FUNDC1: variants seen among roughly 807,000 people sequenced by gnomAD.
FUNDC1 encodes the protein FUN14 domain-containing protein 1.
A neutral mutation model predicts 14.5 loss-of-function variants in FUNDC1; 10 were observed. That is an observed-to-expected ratio of 0.69 (90% confidence interval 0.43 to 1.17). The LOEUF is 1.17. Among genes scored for constraint, FUNDC1 ranks in the 50% most tolerant of loss-of-function variants. The probability of loss-of-function intolerance (pLI) is 0.00; values close to 1 mark genes in which losing one functional copy is unlikely to be tolerated. For synonymous variants in FUNDC1, 33 were observed against 39.7 expected (o/e 0.83, Z 0.64); for missense variants, 115 against 113.8 (o/e 1.01, Z -0.05).
intron 3 of FUNDC1, among the ~76,000 whole-genome samples, chrX:44,537,710 T>A (rs2038954222): frequency 8.9e-6 from 1 of 112,132 alleles, no homozygotes; most frequent in African/African-American, 3.2e-5. Context: ...CAATCATTTT[T>A]AAAATCTAGT....
At chrX:44,530,270 A>G (rs1203053251) in intron 3 of FUNDC1, among the ~76,000 whole-genome samples, 1 of 111,959 alleles carries the variant, frequency 8.9e-6, no homozygotes, top group East Asian at 2.8e-4. Flanking sequence ...AGGTACTTTT[A>G]TTAGAATAAA....
chrX:44,539,779 G>C (rs905252540), intron 2 of FUNDC1, among the ~76,000 whole-genome samples: 5 of 111,195 alleles, frequency 4.5e-5, no homozygotes, highest in African/African-American at 1.6e-4. Flanking sequence ...CAATTCTCCT[G>C]CCTCAGCCTC....
chrX:44,533,250 T>C (rs2038933389), intron 3 of FUNDC1, among the ~76,000 whole-genome samples: 1 of 111,233 alleles, frequency 9.0e-6, no homozygotes, highest in Non-Finnish European at 1.9e-5. Context: ...GAAGGGACGG[T>C]CTTCTAACCA....
chrX:44,542,858 G>A lies in FUNDC1; in HGVS notation c.-26C>T. 1 of 1,162,095 alleles carries A rather than the reference G, an allele frequency of 8.6e-7. No homozygotes were observed. The highest frequency in any genetic ancestry group is 1.2e-6 in the Non-Finnish European group (1 of 868,947). Reference sequence around the variant, plus strand: ...GATACCGCCAGCGGCCAATTCTGGAGTGGTCCCCACCCGCCCTCCTCTCCC... The same window carrying A: ...GATACCGCCAGCGGCCAATTCTGGAATGGTCCCCACCCGCCCTCCTCTCCC... On this transcript the variant is annotated 5_prime_UTR_variant, in exon 1 of 5. Coordinates refer to ENST00000378045, the MANE Select transcript of FUNDC1 (RefSeq NM_173794.4).
intron 4 of FUNDC1, among the ~76,000 whole-genome samples, chrX:44,525,342 T>C (rs765002163): frequency 2.3e-4 from 25 of 108,204 alleles, no homozygotes; most frequent in African/African-American, 8.4e-4. Flanking sequence ...TATAGGTGCA[T>C]GCCACCGTTC....
rs192261581 is a variant in FUNDC1 at position 44,536,830 on chromosome X, A to C, written c.261+1637T>G. ...GCCCTTTGAATTATAAGGATGTATA[A>C]CTCCAAAAAATTAAAACGAAGAGAC... On this transcript the variant is annotated intron_variant, in intron 3 of 4. Transcript: ENST00000378045. 6.3e-5 allele frequency among the ~76,000 whole-genome samples: 7 copies of C among 111,672 alleles called. No homozygotes were observed. In the East Asian group the frequency reaches 2.0e-3, roughly 31 times the overall value.
chrX:44,541,860 G>A lies in FUNDC1; in HGVS notation c.185+85C>T, dbSNP rs150574615. ...AATTAACAGTGTAGACCTACTGCCT[G>A]TGCACGGTGATTCTTGCCCATGTAT... On this transcript the variant is annotated intron_variant, in intron 2 of 4. Coordinates refer to ENST00000378045, the MANE Select transcript of FUNDC1 (RefSeq NM_173794.4). 1.6e-3 allele frequency: 1,339 copies of A among 857,084 alleles called. 11 individuals are homozygous for A. In the African/African-American group the frequency reaches 0.024, roughly 15 times the overall value. 70.6% of individuals were successfully genotyped at this position (857,084 alleles called of 1,213,427 possible). A position where few individuals can be genotyped will look rare whatever the true frequency, so the allele number is the denominator to read the frequency against.
rs1569187085 is a variant in FUNDC1 at position 44,531,298 on chromosome X, A to C, written c.262-3933T>G. Among the ~76,000 whole-genome samples the C allele has an allele frequency of 1.0e-3, 38 of 38,133 alleles. 5 individuals carry two copies. The highest frequency in any genetic ancestry group is 5.1e-3 in the South Asian group (4 of 777). The allele number at this position is 38,133 out of a possible 115,157, so 33.1% of individuals were successfully genotyped here. ...CACACACACACACGGCTTTCAGATG[A>C]AGATTCATGTTGGCCAGACACACAC... On this transcript the variant is annotated intron_variant, in intron 3 of 4. Coordinates refer to ENST00000378045, the MANE Select transcript of FUNDC1 (RefSeq NM_173794.4).
intron 2 of FUNDC1, among the ~76,000 whole-genome samples, chrX:44,539,048 A>T (rs12009700): frequency 0.14 from 15,837 of 110,822 alleles, 1,812 homozygotes; most frequent in African/African-American, 0.38. Context: ...CTTTCCTACC[A>T]TTCCTACCCT....
chrX:44,531,295 ATGAAGATT>A lies in FUNDC1; in HGVS notation c.262-3938_262-3931del, dbSNP rs1569187079. Among the ~76,000 whole-genome samples, 102 of 41,145 alleles carry A rather than the reference ATGAAGATT, an allele frequency of 2.5e-3. 13 individuals carry two copies. The highest frequency in any genetic ancestry group is 9.1e-3 in the African/African-American group (30 of 3,289). The allele number at this position is 41,145 out of a possible 115,157, so 35.7% of individuals were successfully genotyped here. A position where few individuals can be genotyped will look rare whatever the true frequency, so the allele number is the denominator to read the frequency against. ...ACACACACACACACACGGCTTTCAG[ATGAAGATT>A]CATGTTGGCCAGACACACACACACA... is the stretch of plus-strand genomic sequence containing the variant. On this transcript the variant is annotated intron_variant, in intron 3 of 4. Transcript: ENST00000378045.
intron 2 of FUNDC1, among the ~76,000 whole-genome samples, chrX:44,541,699 T>TA (rs1203087187): frequency 9.0e-6 from 1 of 111,322 alleles, no homozygotes; most frequent in Non-Finnish European, 1.9e-5. Context: ...GGGGAAATTA[T>TA]ATAAAGAATC....
chrX:44,542,126 A>G, intron 1 of FUNDC1, 25 bp from the exon 2 acceptor site: 1 of 1,111,482 alleles, frequency 9.0e-7, no homozygotes, highest in Non-Finnish European at 1.2e-6. Context: ...AATGCAAAAA[A>G]TAAATGTAGA....
rs66536007 is a variant in FUNDC1 at position 44,526,487 on chromosome X, A to AGG, written c.390+748_390+749dup. Among the ~76,000 whole-genome samples, 798 of 89,629 alleles carry AGG rather than the reference A, an allele frequency of 8.9e-3. 6 individuals carry two copies. Among genetic ancestry groups the AGG allele is most frequent in the East Asian group, 0.02 (50 of 2,449 alleles). 77.8% of individuals were successfully genotyped at this position (89,629 alleles called of 115,157 possible). The stretch of plus-strand genomic sequence containing the variant: ...TTCCCACACAGTAAAAAAATAAAAA[A>AGG]GGGGGGGGGGCGTATTCATAGTTGT... On this transcript the variant is annotated intron_variant, in intron 4 of 4. Transcript: ENST00000378045.
At chrX:44,528,665 T>C (rs2038911010) in intron 3 of FUNDC1, among the ~76,000 whole-genome samples, 1 of 113,130 alleles carries the variant, frequency 8.8e-6, no homozygotes, top group African/African-American at 3.2e-5. Context: ...TATGTATGTA[T>C]ATGGCTTTAT....
chrX:44,542,220 C>T, intron 1 of FUNDC1, 119 bp from the exon 2 acceptor site: 1 of 521,976 alleles, frequency 1.9e-6, no homozygotes, highest in Non-Finnish European at 3.1e-6. Flanking sequence ...CTAAAAATGC[C>T]CACATAGAAA....
At chrX:44,530,641 C>T (rs923034253) in intron 3 of FUNDC1, among the ~76,000 whole-genome samples, 2 of 109,533 alleles carry the variant, frequency 1.8e-5, no homozygotes, top group African/African-American at 3.3e-5. Context: ...AGGGGCTGGG[C>T]GTGGTGGCTC....
rs376985470 is a variant in FUNDC1, at chrX:44,524,272, T to C, written c.394A>G (p.Thr132Ala). ...PEINNLIEEA[T>A]EFIKQNIVIS... is the part of the protein sequence containing the mutation. ...ACAATGTTCTGCTTGATAAATTCTG[T>C]TGCCTGAAACAAAGTTTAAACAAAA... The change falls in exon 5 of 5, where the codon ACA becomes GCA. Residue 132 changes from threonine to alanine, a missense_variant. Coordinates refer to ENST00000378045, the MANE Select transcript of FUNDC1 (RefSeq NM_173794.4). The C allele has an allele frequency of 3.4e-6, 4 of 1,186,976 alleles. No homozygotes were observed. In the African/African-American group the frequency reaches 5.3e-5, roughly 16 times the overall value.
intron 3 of FUNDC1, among the ~76,000 whole-genome samples, chrX:44,532,817 G>A (rs2038932105): frequency 9.0e-6 from 1 of 111,613 alleles, no homozygotes; most frequent in South Asian, 3.7e-4. Context: ...CTCCCAAAGT[G>A]CTGGGATTAC....
intron 3 of FUNDC1, among the ~76,000 whole-genome samples, 192 bp downstream of exon 3, chrX:44,538,275 C>T (rs1479939140): frequency 1.2e-4 from 14 of 112,583 alleles, no homozygotes; most frequent in Non-Finnish European, 2.6e-4. Context: ...TGAGCCAATG[C>T]GCTCGGTAAT....
Sources: gnomAD v4.1 joint callset for allele counts (sites outside exome capture counted in the v4.1 genomes callset) on GRCh38, gnomAD v4.1.1 for gene constraint, MANE v1.5 for transcripts, NCBI Gene and HGNC (gene_info 2026-07-23, HGNC 2026-07-21) for gene names.